The following MAGI1 variants were observed in gnomAD, a reference collection of about 807,000 sequenced individuals.
The protein encoded by MAGI1 is membrane associated guanylate kinase, WW and PDZ domain containing 1.
A neutral mutation model predicts 139.9 loss-of-function variants in MAGI1; 58 were observed. That is an observed-to-expected ratio of 0.41 (90% CI 0.34 to 0.52). The LOEUF is 0.52. Among genes scored for constraint, MAGI1 ranks in the 20% least tolerant of loss-of-function variants. The probability of loss-of-function intolerance (pLI) is 0.12; values close to 1 mark genes in which losing one functional copy is unlikely to be tolerated. For synonymous variants in MAGI1, 812 were observed against 737.9 expected (o/e 1.10, Z -1.63); for missense variants, 1,874 against 1,901.6 (o/e 0.99, Z 0.27).
intron 2 of MAGI1, among the ~76,000 whole-genome samples, chr3:65,534,936 GA>G (rs2078891995): frequency 6.6e-6 from 1 of 152,302 alleles, no homozygotes; most frequent in African/African-American, 2.4e-5. Context: ...TTGTGCAACA[GA>G]AAGGATAGAG....
chr3:65,663,095 C>A (rs571189674), intron 1 of MAGI1, among the ~76,000 whole-genome samples: 1 of 152,146 alleles, frequency 6.6e-6, no homozygotes, highest in South Asian at 2.1e-4. Flanking sequence ...TGTTTTATTT[C>A]TTGAAAAGGG....
Position 65,546,694 on chromosome 3 carries a change from A to G in MAGI1, c.431-53063T>C, listed in dbSNP as rs559964059. Among the ~76,000 whole-genome samples the G allele has an allele frequency of 4.3e-4, 65 of 152,340 alleles. 1 individual carries two copies. The highest frequency in any genetic ancestry group is 1.5e-3 in the African/African-American group (64 of 41,590). ...ATTACCTTACAGTTTTTAACAGCCT[A>G]TGAAGAAAGTAAATGTCATAGTCAA... is the stretch of plus-strand genomic sequence containing the variant. On this transcript the variant is annotated intron_variant, in intron 2 of 22. Coordinates refer to ENST00000402939, the MANE Select transcript of MAGI1 (RefSeq NM_001033057.2).
intron 1 of MAGI1, among the ~76,000 whole-genome samples, chr3:65,806,033 A>AT (rs2040834088): frequency 6.6e-6 from 1 of 152,172 alleles, no homozygotes; most frequent in African/African-American, 2.4e-5. Flanking sequence ...GCAAACCACC[A>AT]TAGCAAATGT....
chr3:65,590,824 G>A (rs2081934372), intron 2 of MAGI1, among the ~76,000 whole-genome samples: 1 of 152,106 alleles, frequency 6.6e-6, no homozygotes, highest in Non-Finnish European at 1.5e-5. Flanking sequence ...TGAACTTGCG[G>A]TAAAGACTAT....
At chr3:65,471,840 G>A (rs1950577383) in intron 4 of MAGI1, among the ~76,000 whole-genome samples, 1 of 152,170 alleles carries the variant, frequency 6.6e-6, no homozygotes. Flanking sequence ...GTGGTCGCTT[G>A]AGGCTGGAGC....
At chr3:65,874,406 G>A (rs1470498836) in intron 1 of MAGI1, 1 of 152,098 alleles carries the variant, frequency 6.6e-6, no homozygotes, top group Admixed American at 6.6e-5. Context: ...AACATATAAA[G>A]AACTGTTACT....
chr3:65,686,060 C>T (rs1056476175), intron 1 of MAGI1, among the ~76,000 whole-genome samples: 2 of 152,156 alleles, frequency 1.3e-5, no homozygotes, highest in African/African-American at 2.4e-5. Flanking sequence ...AAAACACCTC[C>T]GGCAAGACTG....
intron 3 of MAGI1, among the ~76,000 whole-genome samples, chr3:65,480,172 A>AAC (rs1951174899): frequency 6.6e-6 from 1 of 151,568 alleles, no homozygotes; most frequent in Non-Finnish European, 1.5e-5. Flanking sequence ...AAAAAAAAAA[A>AAC]AAACACAAAA....
At chr3:65,414,334 A>C (rs1189106128) in intron 12 of MAGI1, among the ~76,000 whole-genome samples, 3 of 152,244 alleles carry the variant, frequency 2.0e-5, no homozygotes, top group African/African-American at 4.8e-5. Context: ...TATATAGGAC[A>C]AAAGAGTTTC....
At chr3:65,767,481 A>C (rs1157262750) in intron 1 of MAGI1, among the ~76,000 whole-genome samples, 1 of 152,106 alleles carries the variant, frequency 6.6e-6, no homozygotes. Flanking sequence ...AAATAAATAA[A>C]TAAAGACTTT....
chr3:65,892,936 T>C (rs573434914), intron 1 of MAGI1, among the ~76,000 whole-genome samples: 1 of 152,312 alleles, frequency 6.6e-6, no homozygotes, highest in East Asian at 1.9e-4. Context: ...AACAGAAATG[T>C]GAGCTCAGAT....
At chr3:65,816,735 G>T (rs1415248686) in intron 1 of MAGI1, among the ~76,000 whole-genome samples, 1 of 151,960 alleles carries the variant, frequency 6.6e-6, no homozygotes, top group Non-Finnish European at 1.5e-5. Flanking sequence ...GTGTTAATTT[G>T]CTCCCTATAA....
chr3:65,638,617 T>C (rs2084789012), intron 1 of MAGI1, among the ~76,000 whole-genome samples: 1 of 132,416 alleles, frequency 7.6e-6, no homozygotes, highest in African/African-American at 2.9e-5. Flanking sequence ...TTTTTTTTTT[T>C]TTTTTTTTTT....
At chr3:65,656,154 T>A (rs939068990) in intron 1 of MAGI1, among the ~76,000 whole-genome samples, 1 of 152,096 alleles carries the variant, frequency 6.6e-6, no homozygotes, top group Non-Finnish European at 1.5e-5. Context: ...TTCAGAAGTG[T>A]TAAATTTGAA....
At chr3:65,498,850 T>A (rs1284466011) in intron 2 of MAGI1, among the ~76,000 whole-genome samples, 2 of 152,188 alleles carry the variant, frequency 1.3e-5, no homozygotes, top group East Asian at 3.8e-4. Flanking sequence ...TTTTATTTAA[T>A]CTTAATAACT....
At position 65,479,210 on chromosome 3, in the gene MAGI1, G is replaced by A. The variant is rs144923252; in HGVS notation, c.551-412C>T. 3.6e-3 allele frequency among the ~76,000 whole-genome samples: 554 copies of A among 152,298 alleles called. 2 individuals carry two copies. Among genetic ancestry groups the A allele is most frequent in the Non-Finnish European group, 6.3e-3 (431 of 68,022 alleles). On this transcript the variant is annotated intron_variant, in intron 3 of 22. Transcript: ENST00000402939. Reference sequence around the variant, plus strand: ...GCCGGCATCCTTACAGGCCTAAAAAGTTGAGGTCACTTTCCCTTAATAAGG... The same window carrying A: ...GCCGGCATCCTTACAGGCCTAAAAAATTGAGGTCACTTTCCCTTAATAAGG...
intron 1 of MAGI1, among the ~76,000 whole-genome samples, chr3:65,731,496 A>G (rs1040835227): frequency 6.6e-6 from 1 of 151,164 alleles, no homozygotes; most frequent in African/African-American, 2.4e-5. Flanking sequence ...CTTAAAAAAA[A>G]AAAAAAAAAT....
At chr3:65,440,898 ATG>A (rs1159084981) in intron 8 of MAGI1, among the ~76,000 whole-genome samples, 1 of 148,854 alleles carries the variant, frequency 6.7e-6, no homozygotes, top group Non-Finnish European at 1.5e-5. Flanking sequence ...TATGGTACAT[ATG>A]TGTGTATATA....
At chr3:65,873,799 T>C (rs1006788027) in intron 1 of MAGI1, 7 of 152,158 alleles carry the variant, frequency 4.6e-5, no homozygotes, top group Non-Finnish European at 1.0e-4. Flanking sequence ...TGGGACCCTT[T>C]CCTATGCAAT....
Sources: gnomAD v4.1 joint callset for allele counts (sites outside exome capture counted in the v4.1 genomes callset) on GRCh38, gnomAD v4.1.1 for gene constraint, MANE v1.5 for transcripts, NCBI Gene and HGNC (gene_info 2026-07-23, HGNC 2026-07-21) for gene names.